Variants in MEF2A observed in about 807,000 individuals in gnomAD.
MEF2A encodes the protein myocyte enhancer factor 2A.
A neutral mutation model predicts 55.8 loss-of-function variants in MEF2A; 28 were observed. The observed-to-expected ratio is 0.50, with a 90% CI of 0.37 to 0.69. MEF2A has a LOEUF of 0.69. Ranked by LOEUF, MEF2A falls within the 30% of genes least tolerant of loss-of-function variation. The probability of loss-of-function intolerance (pLI) is 0.00; values close to 1 mark genes in which losing one functional copy is unlikely to be tolerated. For synonymous variants in MEF2A, 239 were observed against 227.1 expected (o/e 1.05, Z -0.47); for missense variants, 528 against 626.2 (o/e 0.84, Z 1.67).
chr15:99,613,845 C>T (rs1307384045), intron 2 of MEF2A, among the ~76,000 whole-genome samples: 1 of 152,192 alleles, frequency 6.6e-6, no homozygotes, highest in Admixed American at 6.5e-5. Context: ...TCTAGTTTCC[C>T]TTGTGCAGCC....
chr15:99,678,088 AC>A (rs2052472560), intron 7 of MEF2A, among the ~76,000 whole-genome samples: 1 of 152,250 alleles, frequency 6.6e-6, no homozygotes, highest in Non-Finnish European at 1.5e-5. Flanking sequence ...TATTTAAAAG[AC>A]TAATAAAATG....
At chr15:99,656,807 A>G (rs1426766093) in intron 4 of MEF2A, among the ~76,000 whole-genome samples, 4 of 152,154 alleles carry the variant, frequency 2.6e-5, no homozygotes, top group Non-Finnish European at 5.9e-5. Context: ...TAAATGAGAT[A>G]TAATTCGTAT....
chr15:99,647,107 ATTAT>A (rs1279119762), intron 4 of MEF2A, among the ~76,000 whole-genome samples: 5 of 152,138 alleles, frequency 3.3e-5, no homozygotes, highest in Admixed American at 1.3e-4. Context: ...TATAAATTAT[ATTAT>A]TTAGCAGTTA....
At chr15:99,664,809 G>A (rs575493941) in intron 4 of MEF2A, among the ~76,000 whole-genome samples, 1 of 152,274 alleles carries the variant, frequency 6.6e-6, no homozygotes, top group South Asian at 2.1e-4. Context: ...TGTGCAGCAG[G>A]CAGTTGGGAT....
Position 99,713,459 on chromosome 15 carries a change from C to A in MEF2A, c.*688C>A. ...CATGAGATATTCAGAAAATACTAGC[C>A]TAGAAATATAGAGCATTAACAAAGT... On this transcript the variant is annotated 3_prime_UTR_variant, in exon 12 of 12. Transcript: ENST00000557942. 1 of 154,544 alleles carries A rather than the reference C, an allele frequency of 6.5e-6. No individual in the cohort carries two copies. Among genetic ancestry groups the A allele is most frequent in the East Asian group, 1.9e-4 (1 of 5,328 alleles). The allele number at this position is 154,544 out of a possible 1,614,324, so 9.6% of individuals were successfully genotyped here. A position where few individuals can be genotyped will look rare whatever the true frequency, so the allele number is the denominator to read the frequency against.
chr15:99,712,899 A>C lies in MEF2A; in HGVS notation c.*128A>C. ...TACATATATATATCCCTTTACATAT[A>C]TATGTATGTGGGTGTGAGTGTGTAT... On this transcript the variant is annotated 3_prime_UTR_variant, in exon 12 of 12. Coordinates refer to ENST00000557942, the MANE Select transcript of MEF2A (RefSeq NM_001319206.4). This position sits in a 1 kb window ranked among gnomAD's most constrained non-coding sequence, Gnocchi z 4.1. The C allele has an allele frequency of 9.4e-7, 1 of 1,069,282 alleles. No homozygotes were observed. Among genetic ancestry groups the C allele is most frequent in the Non-Finnish European group, 1.3e-6 (1 of 761,502 alleles). The allele number at this position is 1,069,282 out of a possible 1,614,324, so 66.2% of individuals were successfully genotyped here.
At position 99,712,359 on chromosome 15, in the gene MEF2A, C is replaced by G; in HGVS notation, c.1137-31C>G. 1 of 1,495,350 alleles carries G rather than the reference C, an allele frequency of 6.7e-7. No homozygotes were observed. Among genetic ancestry groups the G allele is most frequent in the Non-Finnish European group, 9.0e-7 (1 of 1,116,190 alleles). The allele number at this position is 1,495,350 out of a possible 1,614,324, so 92.6% of individuals were successfully genotyped here. On this transcript the variant is annotated intron_variant, in intron 11 of 11. Coordinates refer to ENST00000557942, the MANE Select transcript of MEF2A (RefSeq NM_001319206.4). The surrounding 1 kb of genome is among the most constrained non-coding windows in gnomAD (Gnocchi z 4.1). ...CCAGTTTTGCAGAGGTACTTGCAAG[C>G]CATCTGACCTCTCTCTTTTTTTTCC...
intron 1 of MEF2A, among the ~76,000 whole-genome samples, chr15:99,586,868 A>C (rs1476232563): frequency 6.6e-6 from 1 of 152,190 alleles, no homozygotes; most frequent in Non-Finnish European, 1.5e-5. Flanking sequence ...AGGTTCAAGT[A>C]TCATTTGTTG....
At chr15:99,582,085 A>AG (rs1374010836) in intron 1 of MEF2A, among the ~76,000 whole-genome samples, 1 of 152,192 alleles carries the variant, frequency 6.6e-6, no homozygotes, top group Non-Finnish European at 1.5e-5. Flanking sequence ...AAGAAAAAAA[A>AG]GAGCCATTGA....
intron 4 of MEF2A, among the ~76,000 whole-genome samples, chr15:99,663,341 C>T (rs536149652): frequency 6.6e-6 from 1 of 151,976 alleles, no homozygotes; most frequent in African/African-American, 2.4e-5. Context: ...TGCATTTGTG[C>T]ACGTATATAT....
rs949075446 is a variant in MEF2A, at chr15:99,566,000, C to T, written c.-329C>T. ...GGTGTGGGGATCCGTGCGCGGATGT[C>T]CCGGCGAGTCCCGGGCTGAAAGAGG... On this transcript the variant is annotated 5_prime_UTR_variant, in exon 1 of 12. Transcript: ENST00000557942. 6.6e-6 allele frequency: 1 copy of T among 152,306 alleles called. No individual in the cohort carries two copies. The highest frequency in any genetic ancestry group is 2.4e-5 in the African/African-American group (1 of 41,438). The allele number at this position is 152,306 out of a possible 1,614,324, so 9.4% of individuals were successfully genotyped here.
chr15:99,568,051 A>G (rs1381426322), intron 1 of MEF2A, among the ~76,000 whole-genome samples: 1 of 152,204 alleles, frequency 6.6e-6, no homozygotes, highest in Non-Finnish European at 1.5e-5. Flanking sequence ...TGACCTCTCT[A>G]AACGCAATTA....
chr15:99,611,126 C>T (rs184359223), intron 2 of MEF2A, among the ~76,000 whole-genome samples: 1 of 152,224 alleles, frequency 6.6e-6, no homozygotes, highest in South Asian at 2.1e-4. Flanking sequence ...CTTGTAATCC[C>T]AGCTACTCAG....
In MEF2A at chr15:99,688,434, T is replaced by C. The variant is rs139258216; in HGVS notation, c.671-1807T>C. Reference sequence around the variant, plus strand: ...CTTTTTGTATCAGCTTTTTCCTCATTCTGGCCTTCTTCTGAGTCTCAAAAT... The same window carrying C: ...CTTTTTGTATCAGCTTTTTCCTCATCCTGGCCTTCTTCTGAGTCTCAAAAT... On this transcript the variant is annotated intron_variant, in intron 7 of 11. Transcript: ENST00000557942. Among the ~76,000 whole-genome samples, 149 of 152,298 alleles carry C rather than the reference T, an allele frequency of 9.8e-4. 2 individuals are homozygous for C. The East Asian group carries it at 0.027, about 28-fold the overall frequency.
chr15:99,591,472 A>G (rs1418630845), intron 1 of MEF2A, among the ~76,000 whole-genome samples: 4 of 152,040 alleles, frequency 2.6e-5, no homozygotes, highest in Non-Finnish European at 5.9e-5. Flanking sequence ...TTTTCTCTAT[A>G]TGACTGGATT....
chr15:99,668,329 T>A (rs955464378), intron 4 of MEF2A, among the ~76,000 whole-genome samples: 1 of 152,232 alleles, frequency 6.6e-6, no homozygotes, highest in African/African-American at 2.4e-5. Flanking sequence ...TTAATATTGA[T>A]CTTTATAGCA....
At chr15:99,654,936 A>T (rs945439602) in intron 4 of MEF2A, among the ~76,000 whole-genome samples, 1 of 152,170 alleles carries the variant, frequency 6.6e-6, no homozygotes, top group Non-Finnish European at 1.5e-5. Flanking sequence ...TTGAGCATCT[A>T]TCTAAAGTAT....
chr15:99,567,062 C>T (rs1959964492), intron 1 of MEF2A, among the ~76,000 whole-genome samples: 1 of 152,206 alleles, frequency 6.6e-6, no homozygotes, highest in South Asian at 2.1e-4. Flanking sequence ...AACAGTTTTT[C>T]TTTAAAAGTG....
intron 4 of MEF2A, among the ~76,000 whole-genome samples, chr15:99,657,729 C>T (rs899659791): frequency 2.0e-5 from 3 of 152,100 alleles, no homozygotes; most frequent in African/African-American, 7.2e-5. Flanking sequence ...ACCCTTTAAA[C>T]TGGGGCCTTA....
Sources: allele counts gnomAD v4.1 joint callset (sites outside exome capture counted in the v4.1 genomes callset), GRCh38; gene constraint gnomAD v4.1.1; non-coding constraint Gnocchi (gnomAD v3.1); transcripts MANE v1.5; gene names NCBI Gene and HGNC (gene_info 2026-07-23, HGNC 2026-07-21).